The following ZNF100 variants were observed in gnomAD, a reference collection of about 807,000 sequenced individuals.
ZNF100 encodes zinc finger protein 100, also known as zinc finger protein 100 (Y1).
In ZNF100, 12 loss-of-function variants were observed where a neutral mutation model predicts 15.8. That is an observed-to-expected ratio of 0.76 (90% CI 0.49 to 1.23). ZNF100 has a LOEUF of 1.23. Among genes scored for constraint, ZNF100 ranks in the 50% most tolerant of loss-of-function variants. The pLI is 0.00. For missense variants in ZNF100, 670 were observed against 635.6 expected, an observed-to-expected ratio of 1.05 and a Z score of -0.58; for synonymous variants, 226 against 214.8, an observed-to-expected ratio of 1.05 and a Z score of -0.45.
rs559012352 is a variant in ZNF100, at chr19:21,750,994, T to A, written c.97-5927A>T. The A allele has an allele frequency of 2.3e-5, 27 of 1,168,220 alleles. No individual in the cohort carries two copies. In the Admixed American group the frequency reaches 2.6e-4, roughly 11 times the overall value. The allele number at this position is 1,168,220 out of a possible 1,614,324, so 72.4% of individuals were successfully genotyped here. On this transcript the variant is annotated intron_variant, in intron 2 of 4. Transcript: ENST00000358296. ...CGGTAGCGCCCGCTTCTGTGGAGCC[T>A]ACCAGTTGGATTTCGCAGCGGGCGA...
intron 2 of ZNF100, among the ~76,000 whole-genome samples, chr19:21,755,103 G>A (rs775998475): frequency 6.6e-6 from 1 of 151,940 alleles, no homozygotes; most frequent in Non-Finnish European, 1.5e-5. Flanking sequence ...ACCTGAGGTC[G>A]GGAGTTCAAG....
intron 2 of ZNF100, among the ~76,000 whole-genome samples, chr19:21,749,655 C>A (rs902764513): frequency 6.6e-6 from 1 of 152,176 alleles, no homozygotes; most frequent in African/African-American, 2.4e-5. Flanking sequence ...TGGCCTTGAT[C>A]TCTCACTCTT....
chr19:21,758,290 G>C (rs996101351), intron 2 of ZNF100, among the ~76,000 whole-genome samples: 19 of 150,922 alleles, frequency 1.3e-4, no homozygotes, highest in African/African-American at 4.7e-4. Flanking sequence ...GAGGATGAAA[G>C]GACAAAGAGG....
intron 2 of ZNF100, among the ~76,000 whole-genome samples, chr19:21,759,293 T>C (rs1024104660): frequency 1.3e-5 from 2 of 151,952 alleles, no homozygotes; most frequent in Admixed American, 1.3e-4. Flanking sequence ...ATAGAAGAAA[T>C]GTATAGAACA....
chr19:21,726,938 T>C lies in ZNF100; in HGVS notation c.1374A>G (p.Lys458=). 1 of 1,611,272 alleles carries C rather than the reference T, an allele frequency of 6.2e-7. No individual in the cohort carries two copies. The highest frequency in any genetic ancestry group is 8.5e-7 in the Non-Finnish European group (1 of 1,178,996). ...KMIHTGEKPY[K]CDECGKAFNR... Reference sequence around the variant, plus strand: ...TAAAGGCTTTGCCACATTCGTCACATTTGTAGGGTTTCTCTCCAGTATGAA... The same window carrying C: ...TAAAGGCTTTGCCACATTCGTCACACTTGTAGGGTTTCTCTCCAGTATGAA... Residue 458 remains lysine, a synonymous_variant, in exon 5 of 5, where the codon AAA becomes AAG. Transcript: ENST00000358296.
chr19:21,725,201 C>T lies in ZNF100; in HGVS notation c.*1482G>A, dbSNP rs2035755392. ...ATACTGTTACCATGTTTTACGTACA[C>T]CCTTGAGTAAGGTGGAATAGGTTAA... On this transcript the variant is annotated 3_prime_UTR_variant, in exon 5 of 5. Coordinates refer to ENST00000358296, the MANE Select transcript of ZNF100 (RefSeq NM_173531.4). 1 of 152,098 alleles carries T rather than the reference C, an allele frequency of 6.6e-6. No individual in the cohort carries two copies. Among genetic ancestry groups the T allele is most frequent in the Non-Finnish European group, 1.5e-5 (1 of 68,026 alleles). 9.4% of individuals were successfully genotyped at this position (152,098 alleles called of 1,614,324 possible).
At chr19:21,755,601 T>C (rs2036380996) in intron 2 of ZNF100, among the ~76,000 whole-genome samples, 1 of 152,176 alleles carries the variant, frequency 6.6e-6, no homozygotes, top group South Asian at 2.1e-4. Context: ...CAAAGGAATA[T>C]AAACCATTCT....
intron 2 of ZNF100, among the ~76,000 whole-genome samples, chr19:21,763,805 T>C (rs1348035079): frequency 6.6e-6 from 1 of 152,158 alleles, no homozygotes; most frequent in Non-Finnish European, 1.5e-5. Flanking sequence ...TCTCTAATCT[T>C]TTTTGCTCCA....
intron 4 of ZNF100, among the ~76,000 whole-genome samples, chr19:21,733,430 T>C (rs1208159010): frequency 6.6e-6 from 1 of 152,160 alleles, no homozygotes; most frequent in Non-Finnish European, 1.5e-5. Flanking sequence ...GGTTACATTA[T>C]ATTTCAAGAT....
At chr19:21,742,909 G>A (rs1226642871) in intron 4 of ZNF100, among the ~76,000 whole-genome samples, 3 of 151,950 alleles carry the variant, frequency 2.0e-5, no homozygotes, top group African/African-American at 7.3e-5. Flanking sequence ...ATTTAACCAA[G>A]AAGGTAAAAA....
rs1469622024 is a variant in ZNF100 at position 21,725,490 on chromosome 19, A to G, written c.*1193T>C. 6.6e-6 allele frequency: 1 copy of G among 152,176 alleles called. No individual in the cohort carries two copies. Among genetic ancestry groups the G allele is most frequent in the East Asian group, 1.9e-4 (1 of 5,200 alleles). The allele number at this position is 152,176 out of a possible 1,614,324, so 9.4% of individuals were successfully genotyped here. Reference sequence around the variant, plus strand: ...TAAAAGTCTCTTCACTTAGATTTTCATCATACATCTCATATTTTAATGTCT... The same window carrying G: ...TAAAAGTCTCTTCACTTAGATTTTCGTCATACATCTCATATTTTAATGTCT... On this transcript the variant is annotated 3_prime_UTR_variant, in exon 5 of 5. Transcript: ENST00000358296.
chr19:21,767,245 C>T (rs1373750463), intron 1 of ZNF100, among the ~76,000 whole-genome samples, 182 bp downstream of exon 1: 1 of 152,156 alleles, frequency 6.6e-6, no homozygotes, highest in African/African-American at 2.4e-5. Context: ...AGAAAGGACG[C>T]CTGGGGTCCT....
At chr19:21,759,438 T>C (rs1220989467) in intron 2 of ZNF100, among the ~76,000 whole-genome samples, 1 of 152,208 alleles carries the variant, frequency 6.6e-6, no homozygotes, top group Admixed American at 6.5e-5. Flanking sequence ...AATTACACAG[T>C]GCTCTCTTTT....
rs1367469797 is a variant in ZNF100 at position 21,725,724 on chromosome 19, CA to C, written c.*958del. On this transcript the variant is annotated 3_prime_UTR_variant, in exon 5 of 5. Coordinates refer to ENST00000358296, the MANE Select transcript of ZNF100 (RefSeq NM_173531.4). ...AAGCATACTTTGAATGCAATAACTG[CA>C]AAAAATTTCTACTTTTAAAGTTATA... is the stretch of plus-strand genomic sequence containing the variant. 2.6e-5 allele frequency: 4 copies of C among 151,904 alleles called. No homozygotes were observed. The highest frequency in any genetic ancestry group is 1.3e-4 in the Admixed American group (2 of 15,254). The allele number at this position is 151,904 out of a possible 1,614,324, so 9.4% of individuals were successfully genotyped here.
intron 2 of ZNF100, among the ~76,000 whole-genome samples, chr19:21,756,745 A>T (rs939611835): frequency 6.6e-6 from 1 of 152,246 alleles, no homozygotes; most frequent in Non-Finnish European, 1.5e-5. Context: ...ACTATTTTAA[A>T]ATTTATATGG....
chr19:21,726,943 A>C lies in ZNF100; in HGVS notation c.1369T>G (p.Tyr457Asp). ...HKMIHTGEKP[Y>D]KCDECGKAFN... is the part of the protein sequence containing the mutation. ...GCTTTGCCACATTCGTCACATTTGT[A>C]GGGTTTCTCTCCAGTATGAATCATC... Residue 457 changes from tyrosine (Y) to aspartate (D), a missense_variant, in exon 5 of 5, where the codon TAC becomes GAC. Transcript: ENST00000358296. 1.2e-6 allele frequency: 2 copies of C among 1,611,314 alleles called. No individual in the cohort carries two copies. Among genetic ancestry groups the C allele is most frequent in the Non-Finnish European group, 1.7e-6 (2 of 1,179,020 alleles).
At chr19:21,742,449 G>A (rs2036132223) in intron 4 of ZNF100, among the ~76,000 whole-genome samples, 1 of 142,110 alleles carries the variant, frequency 7.0e-6, no homozygotes, top group Admixed American at 7.4e-5. Context: ...AGCTGAGATC[G>A]CGCTATTGCA....
At chr19:21,732,163 T>C (rs1269200141) in intron 4 of ZNF100, among the ~76,000 whole-genome samples, 1 of 151,542 alleles carries the variant, frequency 6.6e-6, no homozygotes, top group Non-Finnish European at 1.5e-5. Context: ...AGAGCGAGAC[T>C]CCGTCTCAAA....
chr19:21,733,992 T>TAAAGG (rs1249665495), intron 4 of ZNF100, among the ~76,000 whole-genome samples: 1 of 152,134 alleles, frequency 6.6e-6, no homozygotes, highest in African/African-American at 2.4e-5. Flanking sequence ...GCCTGACTGT[T>TAAAGG]AAAGGAAAAA....
Sources: allele counts gnomAD v4.1 joint callset (sites outside exome capture counted in the v4.1 genomes callset), GRCh38; gene constraint gnomAD v4.1.1; transcripts MANE v1.5; gene names NCBI Gene and HGNC (gene_info 2026-07-23, HGNC 2026-07-21).